The following FSHR variants were observed in gnomAD, a reference collection of about 807,000 sequenced individuals.
FSHR encodes follicle-stimulating hormone receptor.
FSHR carries 46 observed loss-of-function variants against 52.1 expected under a neutral mutation model. The ratio of observed to expected loss-of-function variants is 0.88; its 90% confidence interval spans 0.70 to 1.13. The LOEUF (loss-of-function observed/expected upper bound fraction) is 1.13. FSHR is among the 50% of genes most tolerant of loss of function. The probability of loss-of-function intolerance (pLI) is 0.00; values close to 1 mark genes in which losing one functional copy is unlikely to be tolerated. For synonymous variants in FSHR, 399 were observed against 309.6 expected, an observed-to-expected ratio of 1.29 and a Z score of -3.03; for missense variants, 964 against 834.6, an observed-to-expected ratio of 1.16 and a Z score of -1.91.
intron 5 of FSHR, among the ~76,000 whole-genome samples, chr2:48,989,853 G>A (rs1675691565): frequency 6.6e-6 from 1 of 152,090 alleles, no homozygotes; most frequent in Admixed American, 6.5e-5. Flanking sequence ...TTCCCTGTTA[G>A]GTCTGATCTA....
At chr2:49,132,760 C>T (rs1672329804) in intron 1 of FSHR, among the ~76,000 whole-genome samples, 2 of 152,016 alleles carry the variant, frequency 1.3e-5, no homozygotes, top group African/African-American at 4.8e-5. Flanking sequence ...CCACAACCCA[C>T]TTACTCTCTG....
At chr2:49,058,189 A>G (rs1272727601) in intron 2 of FSHR, among the ~76,000 whole-genome samples, 1 of 152,222 alleles carries the variant, frequency 6.6e-6, no homozygotes, top group African/African-American at 2.4e-5. Flanking sequence ...AAGAGGAAGA[A>G]ATGAAGGGCA....
intron 1 of FSHR, among the ~76,000 whole-genome samples, chr2:49,098,784 TATAATA>T (rs897188681): frequency 6.8e-6 from 1 of 147,086 alleles, no homozygotes; most frequent in African/African-American, 2.5e-5. Flanking sequence ...ATTATATACT[TATAATA>T]ATATATATTT....
chr2:48,969,124 C>G (rs929102492), intron 8 of FSHR, among the ~76,000 whole-genome samples: 1 of 152,142 alleles, frequency 6.6e-6, no homozygotes, highest in Non-Finnish European at 1.5e-5. Context: ...ACTCTGATTC[C>G]TGGATATACT....
chr2:49,144,639 C>T (rs1672806274), intron 1 of FSHR, among the ~76,000 whole-genome samples: 1 of 134,902 alleles, frequency 7.4e-6, no homozygotes, highest in South Asian at 2.4e-4. Context: ...ATGTCCTCTC[C>T]AATGTATTTA....
At chr2:48,981,930 C>G (rs1433504485) in intron 8 of FSHR, among the ~76,000 whole-genome samples, 1 of 152,200 alleles carries the variant, frequency 6.6e-6, no homozygotes, top group Non-Finnish European at 1.5e-5. Context: ...ACATAAGGAT[C>G]ATTCAGTAAA....
At chr2:48,983,046 G>C in intron 7 of FSHR, 52 bp downstream of exon 7, 1 of 1,607,644 alleles carries the variant, frequency 6.2e-7, no homozygotes. Flanking sequence ...TATTGCTGTT[G>C]TAAGAGCCAT....
chr2:49,152,100 C>G (rs757528452), intron 1 of FSHR, among the ~76,000 whole-genome samples: 1 of 152,248 alleles, frequency 6.6e-6, no homozygotes, highest in South Asian at 2.1e-4. Context: ...TTTGAGAGAG[C>G]TTCTAAAGCT....
intron 1 of FSHR, among the ~76,000 whole-genome samples, chr2:49,094,794 T>G (rs2103703971): frequency 6.6e-6 from 1 of 151,868 alleles, no homozygotes; most frequent in South Asian, 2.1e-4. Context: ...CAATAAAGAT[T>G]AGAAGAGAAA....
intron 9 of FSHR, among the ~76,000 whole-genome samples, chr2:48,964,525 C>T (rs1430257472): frequency 6.6e-6 from 1 of 152,190 alleles, no homozygotes; most frequent in Non-Finnish European, 1.5e-5. Flanking sequence ...AGCTAATTTG[C>T]CGGAAATGTT....
At chr2:49,079,457 G>C (rs1042804762) in intron 1 of FSHR, among the ~76,000 whole-genome samples, 3 of 152,050 alleles carry the variant, frequency 2.0e-5, no homozygotes, top group Non-Finnish European at 4.4e-5. Context: ...TAAAGAAGTA[G>C]ATCAAGATTG....
intron 1 of FSHR, among the ~76,000 whole-genome samples, chr2:49,109,932 TG>T (rs1265238824): frequency 6.6e-6 from 1 of 152,006 alleles, no homozygotes; most frequent in African/African-American, 2.4e-5. Flanking sequence ...GTAAGAAAAA[TG>T]CCATCCAGAA....
intron 2 of FSHR, among the ~76,000 whole-genome samples, chr2:49,020,976 A>G (rs1295470391): frequency 1.3e-5 from 2 of 152,312 alleles, no homozygotes; most frequent in African/African-American, 4.8e-5. Context: ...TAGGAAAAAT[A>G]GCTAATGCAT....
chr2:49,092,119 A>G (rs1490229084), intron 1 of FSHR, among the ~76,000 whole-genome samples: 1 of 152,142 alleles, frequency 6.6e-6, no homozygotes, highest in Non-Finnish European at 1.5e-5. Flanking sequence ...AAGTATTTCA[A>G]TTTTTTGAGC....
At chr2:48,980,188 A>T (rs1675183792) in intron 8 of FSHR, among the ~76,000 whole-genome samples, 1 of 152,246 alleles carries the variant, frequency 6.6e-6, no homozygotes, top group South Asian at 2.1e-4. Flanking sequence ...ATTCGCAATT[A>T]TAGGCTGGGC....
intron 1 of FSHR, among the ~76,000 whole-genome samples, chr2:49,088,646 G>A (rs1670488447): frequency 6.6e-6 from 1 of 152,160 alleles, no homozygotes. Flanking sequence ...ATTTAACTGT[G>A]AATTTTATTG....
chr2:48,988,891 CA>C, intron 6 of FSHR, 85 bp downstream of exon 6: 5 of 1,154,012 alleles, frequency 4.3e-6, no homozygotes, highest in Non-Finnish European at 6.5e-6. Context: ...GTTACCCAAA[CA>C]AAAAAGGAGC....
chr2:49,017,104 A>T (rs1270860471), intron 4 of FSHR, among the ~76,000 whole-genome samples: 1 of 152,220 alleles, frequency 6.6e-6, no homozygotes, highest in Non-Finnish European at 1.5e-5. Flanking sequence ...ATATTTATCA[A>T]GGGAAAAATG....
intron 9 of FSHR, among the ~76,000 whole-genome samples, chr2:48,964,541 G>C (rs1674383441): frequency 6.6e-6 from 1 of 152,162 alleles, no homozygotes; most frequent in African/African-American, 2.4e-5. Context: ...ATGTTACCAG[G>C]GTCTTTCCTG....
Sources: allele counts gnomAD v4.1 joint callset (sites outside exome capture counted in the v4.1 genomes callset), GRCh38; gene constraint gnomAD v4.1.1; transcripts MANE v1.5; gene names NCBI Gene and HGNC (gene_info 2026-07-23, HGNC 2026-07-21).